Variants in SAXO1 observed in about 807,000 individuals in gnomAD.
The protein encoded by SAXO1 is stabilizer of axonemal microtubules 1, also known as 4930500O09Rik.
Under a neutral mutation model 17.5 loss-of-function variants are expected in SAXO1, and 21 were observed. That is an observed-to-expected ratio of 1.20 (90% CI 0.85 to 1.72). SAXO1 has a LOEUF of 1.72. SAXO1 is among the 40% of genes most tolerant of loss of function. The pLI, the probability that SAXO1 is intolerant of heterozygous loss-of-function variation, is 0.00. For synonymous variants in SAXO1, 274 were observed against 216.5 expected (o/e 1.27, Z -2.33); for missense variants, 843 against 596.0 (o/e 1.41, Z -4.32).
intron 3 of SAXO1, among the ~76,000 whole-genome samples, chr9:18,936,997 A>C (rs1831323951): frequency 1.3e-5 from 2 of 152,250 alleles, no homozygotes; most frequent in Admixed American, 1.3e-4. Flanking sequence ...GATGGCACCC[A>C]CTGAAACATG....
chr9:18,952,984 G>T (rs142075797), intron 1 of SAXO1, among the ~76,000 whole-genome samples: 1 of 152,108 alleles, frequency 6.6e-6, no homozygotes, highest in Non-Finnish European at 1.5e-5. Context: ...ATGACCCATC[G>T]CCCACAGCGG....
chr9:18,968,181 T>G (rs1041025450), intron 1 of SAXO1, among the ~76,000 whole-genome samples: 4 of 152,228 alleles, frequency 2.6e-5, no homozygotes, highest in African/African-American at 9.6e-5. Context: ...AGACTGGAGC[T>G]GCTTTTATTC....
chr9:18,978,988 C>T (rs2131814964), intron 1 of SAXO1, among the ~76,000 whole-genome samples: 1 of 152,276 alleles, frequency 6.6e-6, no homozygotes, highest in South Asian at 2.1e-4. Flanking sequence ...AGGAATATTT[C>T]ACAAGCCTCT....
At chr9:18,989,718 A>G (rs1017034404) in intron 1 of SAXO1, among the ~76,000 whole-genome samples, 2 of 152,200 alleles carry the variant, frequency 1.3e-5, no homozygotes, top group African/African-American at 2.4e-5. Flanking sequence ...ATGTTGAAAT[A>G]AAGTCTTTAA....
intron 1 of SAXO1, among the ~76,000 whole-genome samples, chr9:19,040,638 T>G (rs1836057008): frequency 1.3e-5 from 2 of 152,040 alleles, no homozygotes; most frequent in South Asian, 4.2e-4. Flanking sequence ...AGTGAGATTC[T>G]TTCTCCAAAA....
At chr9:18,934,410 T>C (rs1052951914) in intron 3 of SAXO1, among the ~76,000 whole-genome samples, 1 of 152,180 alleles carries the variant, frequency 6.6e-6, no homozygotes, top group Non-Finnish European at 1.5e-5. Context: ...ACTATCCACA[T>C]TTTTGCTGAT....
At chr9:18,935,247 G>T (rs1335199851) in intron 3 of SAXO1, among the ~76,000 whole-genome samples, 1 of 152,186 alleles carries the variant, frequency 6.6e-6, no homozygotes, top group Non-Finnish European at 1.5e-5. Flanking sequence ...TAGTTTAGTG[G>T]TCAGCCAATG....
intron 1 of SAXO1, among the ~76,000 whole-genome samples, chr9:19,015,917 G>C (rs1834956078): frequency 6.6e-6 from 1 of 152,108 alleles, no homozygotes; most frequent in Non-Finnish European, 1.5e-5. Flanking sequence ...GCAGATTCCT[G>C]AGCCTCAGAC....
intron 1 of SAXO1, among the ~76,000 whole-genome samples, chr9:18,957,109 C>A (rs1192740202): frequency 6.6e-6 from 1 of 152,180 alleles, no homozygotes; most frequent in African/African-American, 2.4e-5. Context: ...GTATGTCTGC[C>A]CTTCCAAGTT....
chr9:18,998,553 C>T (rs965575170), intron 1 of SAXO1, among the ~76,000 whole-genome samples: 1 of 152,062 alleles, frequency 6.6e-6, no homozygotes, highest in Non-Finnish European at 1.5e-5. Flanking sequence ...GGGATATTAT[C>T]CAGAAGAACT....
intron 1 of SAXO1, among the ~76,000 whole-genome samples, chr9:18,956,258 C>T (rs995507020): frequency 6.6e-6 from 1 of 151,836 alleles, no homozygotes; most frequent in Non-Finnish European, 1.5e-5. Flanking sequence ...CATCAACTTT[C>T]ATGTTAAGAA....
At chr9:18,936,181 C>G (rs945444) in intron 3 of SAXO1, among the ~76,000 whole-genome samples, 82,725 of 151,938 alleles carry the variant, frequency 0.54, 22,970 homozygotes, top group Non-Finnish European at 0.6. Flanking sequence ...TCCACCAGCA[C>G]GCTCTTAAGT....
chr9:18,931,041 T>G (rs1831024328), intron 3 of SAXO1, among the ~76,000 whole-genome samples: 1 of 152,210 alleles, frequency 6.6e-6, no homozygotes. Context: ...AAATCTAATT[T>G]GCATAATAAA....
At chr9:18,936,096 G>C (rs989539833) in intron 3 of SAXO1, among the ~76,000 whole-genome samples, 4 of 152,102 alleles carry the variant, frequency 2.6e-5, no homozygotes, top group African/African-American at 4.8e-5. Context: ...GTCCAGTTTT[G>C]TCATTGCTTT....
intron 1 of SAXO1, among the ~76,000 whole-genome samples, chr9:19,017,442 C>T (rs1013342521): frequency 6.6e-6 from 1 of 152,174 alleles, no homozygotes; most frequent in African/African-American, 2.4e-5. Flanking sequence ...ATTCATTCTA[C>T]AGACAGGGAC....
chr9:19,009,086 C>A (rs973128741), intron 1 of SAXO1, among the ~76,000 whole-genome samples: 14 of 152,110 alleles, frequency 9.2e-5, no homozygotes, highest in African/African-American at 3.4e-4. Context: ...TCAGTACCCC[C>A]ACACAGCAAC....
intron 3 of SAXO1, among the ~76,000 whole-genome samples, chr9:18,933,907 G>A (rs779886969): frequency 2.0e-5 from 3 of 152,096 alleles, no homozygotes; most frequent in Admixed American, 6.5e-5. Context: ...TTAGCCAGGC[G>A]TAGTGGCGGG....
chr9:18,952,614 T>C (rs768768441), intron 1 of SAXO1, among the ~76,000 whole-genome samples: 3 of 152,244 alleles, frequency 2.0e-5, no homozygotes, highest in Non-Finnish European at 4.4e-5. Context: ...ACCTATAGAT[T>C]TGTTATCAGA....
chr9:18,948,788 G>C (rs1439460384), intron 2 of SAXO1, among the ~76,000 whole-genome samples: 2 of 152,164 alleles, frequency 1.3e-5, no homozygotes, highest in African/African-American at 4.8e-5. Flanking sequence ...AAGCATCCCT[G>C]TCTATACTTT....
Sources: allele counts gnomAD v4.1 joint callset (sites outside exome capture counted in the v4.1 genomes callset), GRCh38; gene constraint gnomAD v4.1.1; transcripts MANE v1.5; gene names NCBI Gene and HGNC (gene_info 2026-07-23, HGNC 2026-07-21).